RPS6KA1: variants seen among roughly 807,000 people sequenced by gnomAD.
RPS6KA1 encodes ribosomal protein S6 kinase alpha-1.
A neutral mutation model predicts 91.3 loss-of-function variants in RPS6KA1; 48 were observed. The ratio of observed to expected loss-of-function variants is 0.53; its 90% confidence interval spans 0.42 to 0.67. The LOEUF is 0.67. RPS6KA1 is among the 30% of genes least tolerant of loss of function. The pLI, the probability that RPS6KA1 is intolerant of heterozygous loss-of-function variation, is 0.00. For synonymous variants in RPS6KA1, 359 were observed against 384.7 expected, an observed-to-expected ratio of 0.93 and a Z score of 0.78; for missense variants, 719 against 960.5, an observed-to-expected ratio of 0.75 and a Z score of 3.32.
At chr1:26,539,580 T>C (rs2075931321) in intron 2 of RPS6KA1, among the ~76,000 whole-genome samples, 1 of 152,256 alleles carries the variant, frequency 6.6e-6, no homozygotes, top group African/African-American at 2.4e-5. Context: ...GAAAAGAGAA[T>C]GTGGTACATA....
chr1:26,562,234 A>T (rs1235212528), intron 17 of RPS6KA1, among the ~76,000 whole-genome samples: 7 of 152,212 alleles, frequency 4.6e-5, no homozygotes, highest in Admixed American at 4.6e-4. Flanking sequence ...GATTTACATT[A>T]TCTCAATTGA....
intron 21 of RPS6KA1, 101 bp downstream of exon 21, chr1:26,573,462 C>A: frequency 7.3e-7 from 1 of 1,363,104 alleles, no homozygotes; most frequent in Non-Finnish European, 1.0e-6. Context: ...CTGTACCAAG[C>A]ACCATGAGGT....
Position 26,529,828 on chromosome 1 carries a change from G to C in RPS6KA1, c.-93G>C. The C allele has an allele frequency of 3.1e-6, 3 of 970,930 alleles. No individual in the cohort carries two copies. The highest frequency in any genetic ancestry group is 4.0e-6 in the Non-Finnish European group (3 of 755,064). 60.1% of individuals were successfully genotyped at this position (970,930 alleles called of 1,614,324 possible). The stretch of plus-strand genomic sequence containing the variant: ...GAGCGCGAGGGGCTCGGGGGGGCGC[G>C]GCGGTTCGGGTCGCAGAGCCAGGGA... On this transcript the variant is annotated 5_prime_UTR_variant, in exon 1 of 22. Coordinates refer to ENST00000374168, the MANE Select transcript of RPS6KA1 (RefSeq NM_002953.4). The surrounding 1 kb of genome is among the most constrained non-coding windows in gnomAD (Gnocchi z 4.2).
chr1:26,546,666 C>T (rs1013107526), intron 2 of RPS6KA1, among the ~76,000 whole-genome samples: 2 of 152,228 alleles, frequency 1.3e-5, no homozygotes, highest in African/African-American at 4.8e-5. Context: ...GCAATAGGAG[C>T]GGTGCCTGTT....
Position 26,547,095 on chromosome 1 carries a change from CA to C in RPS6KA1, c.226-89del. On this transcript the variant is annotated intron_variant, in intron 3 of 21. Coordinates refer to ENST00000374168, the MANE Select transcript of RPS6KA1 (RefSeq NM_002953.4). The surrounding 1 kb of genome is among the most constrained non-coding windows in gnomAD (Gnocchi z 4.1). ...AGGTCACCTTGGTACCCAGGGAGAG[CA>C]AAAAGGTCAGCTTGGGGCTCAGAGA... The C allele has an allele frequency of 6.5e-7, 1 of 1,543,448 alleles. No homozygotes were observed. Among genetic ancestry groups the C allele is most frequent in the Non-Finnish European group, 8.9e-7 (1 of 1,117,438 alleles).
intron 2 of RPS6KA1, among the ~76,000 whole-genome samples, chr1:26,542,670 C>T (rs1053279485): frequency 4.6e-5 from 7 of 152,114 alleles, no homozygotes; most frequent in Admixed American, 3.3e-4. Context: ...AGGGCAGGAC[C>T]GGAGGGGGGC....
intron 14 of RPS6KA1, among the ~76,000 whole-genome samples, chr1:26,559,533 A>ATTTTTTT (rs1427275066): frequency 7.3e-6 from 1 of 137,352 alleles, no homozygotes. Context: ...CACCCAGCTA[A>ATTTTTTT]TTTTTTTTTT....
At position 26,554,211 on chromosome 1, in the gene RPS6KA1, C is replaced by T. The variant is rs1481887800; in HGVS notation, c.576-3C>T. On this transcript the variant is annotated splice_region_variant and splice_polypyrimidine_tract_variant and intron_variant, in intron 7 of 21. Transcript: ENST00000374168. This position sits in a 1 kb window ranked among gnomAD's most constrained non-coding sequence, Gnocchi z 4.6. ...GGCCCTGACCACTATTTCTCTATTA[C>T]AGCATCCTTCTGGATGAGGAGGGCC... is the stretch of plus-strand genomic sequence containing the variant. The T allele has an allele frequency of 7.7e-6, 12 of 1,554,256 alleles. No homozygotes were observed. Among genetic ancestry groups the T allele is most frequent in the Non-Finnish European group, 9.6e-6 (11 of 1,148,360 alleles).
Position 26,571,166 on chromosome 1 carries a change from A to T in RPS6KA1, c.1591-283A>T, listed in dbSNP as rs1211406677. ...GATTTTGACCTAAGTAACAGGAAGG[A>T]TGGAGTTGCCACAAGGTAAGATTAT... On this transcript the variant is annotated intron_variant, in intron 17 of 21. Transcript: ENST00000374168. This position sits in a 1 kb window ranked among gnomAD's most constrained non-coding sequence, Gnocchi z 5.1. 5.4e-6 allele frequency: 2 copies of T among 372,798 alleles called. No homozygotes were observed. Among genetic ancestry groups the T allele is most frequent in the Admixed American group, 8.5e-5 (2 of 23,580 alleles). The allele number at this position is 372,798 out of a possible 1,614,324, so 23.1% of individuals were successfully genotyped here.
chr1:26,573,349 A>G lies in RPS6KA1; in HGVS notation c.2073A>G (p.Leu691=). 1 of 1,614,208 alleles carries G rather than the reference A, an allele frequency of 6.2e-7. No homozygotes were observed. The highest frequency in any genetic ancestry group is 8.5e-7 in the Non-Finnish European group (1 of 1,180,008). The change falls in exon 21 of 22, where the codon CTA becomes CTG. Residue 691 remains leucine, a synonymous_variant. Coordinates refer to ENST00000374168, the MANE Select transcript of RPS6KA1 (RefSeq NM_002953.4). ...LPQSQLSHQD[L]QLVKGAMAAT... ...AAAGCCAGCTGTCCCACCAGGACCT[A>G]CAGCTTGTGAAGGTATGGCCACCCT...
intron 1 of RPS6KA1, among the ~76,000 whole-genome samples, chr1:26,532,726 G>A (rs959559169): frequency 2.0e-5 from 3 of 152,178 alleles, no homozygotes; most frequent in Admixed American, 6.5e-5. Flanking sequence ...TTCTCCAGAC[G>A]CTGCCCTGGG....
At chr1:26,536,593 G>A (rs1283649194) in intron 1 of RPS6KA1, among the ~76,000 whole-genome samples, 2 of 152,218 alleles carry the variant, frequency 1.3e-5, no homozygotes, top group Non-Finnish European at 2.9e-5. Flanking sequence ...AGAGCTGGAA[G>A]CCACACATGA....
chr1:26,544,556 C>G lies in RPS6KA1; in HGVS notation c.109-2311C>G, dbSNP rs376705282. Among the ~76,000 whole-genome samples the G allele has an allele frequency of 1.2e-3, 182 of 151,702 alleles. 1 individual carries two copies. Among genetic ancestry groups the G allele is most frequent in the African/African-American group, 4.2e-3 (174 of 41,338 alleles). On this transcript the variant is annotated intron_variant, in intron 2 of 21. Coordinates refer to ENST00000374168, the MANE Select transcript of RPS6KA1 (RefSeq NM_002953.4). The stretch of plus-strand genomic sequence containing the variant: ...GTGGTGCGATCTTGGCTCACTGCAG[C>G]CTCCCCCTCCCAGGTTCAAGCCATT...
At chr1:26,557,192 C>CAAAGTCAGTCCCACGGAGCCAGAA in intron 13 of RPS6KA1, 92 bp downstream of exon 13, 1 of 974,424 alleles carries the variant, frequency 1.0e-6, no homozygotes, top group Non-Finnish European at 1.6e-6. Context: ...TAGTCAGGGA[C>CAAAGTCAGTCCCACGGAGCCAGAA]ACTGACAGGC....
chr1:26,546,806 G>A, intron 2 of RPS6KA1, 61 bp from the exon 3 acceptor site: 5 of 1,344,196 alleles, frequency 3.7e-6, no homozygotes, highest in Non-Finnish European at 4.3e-6. Context: ...GACTTGGGCA[G>A]GGGAGCCTCC....
chr1:26,536,771 A>AGTGGAG (rs1303102401), intron 1 of RPS6KA1, among the ~76,000 whole-genome samples, 154 bp from the exon 2 acceptor site: 4 of 152,212 alleles, frequency 2.6e-5, no homozygotes, highest in Non-Finnish European at 5.9e-5. Flanking sequence ...ACACCATGAA[A>AGTGGAG]GTGGAGGTGG....
chr1:26,545,597 G>T (rs1276236941), intron 2 of RPS6KA1, among the ~76,000 whole-genome samples: 2 of 152,188 alleles, frequency 1.3e-5, no homozygotes, highest in Non-Finnish European at 2.9e-5. Context: ...CCTCTCTGCT[G>T]TTGGGTACCA....
Position 26,574,232 on chromosome 1 carries a change from G to A in RPS6KA1, c.*31G>A. 6.2e-7 allele frequency: 1 copy of A among 1,613,530 alleles called. No individual in the cohort carries two copies. Among genetic ancestry groups the A allele is most frequent in the Admixed American group, 1.7e-5 (1 of 60,018 alleles). ...CAGGGCATTCGGGCCACAGGGCGGT[G>A]CTAGCTTGACACAGTCAGCATGCTT... On this transcript the variant is annotated 3_prime_UTR_variant, in exon 22 of 22. Transcript: ENST00000374168. The surrounding 1 kb of genome is among the most constrained non-coding windows in gnomAD (Gnocchi z 4.3).
chr1:26,561,781 A>G lies in RPS6KA1; in HGVS notation c.1590+118A>G, dbSNP rs2124654989. ...CTCCAGCTAGCCAAACTGAGGGGAC[A>G]CTAGGGCTGGGTGGGTGGATGCGTG... On this transcript the variant is annotated intron_variant, in intron 17 of 21. Transcript: ENST00000374168. This position sits in a 1 kb window ranked among gnomAD's most constrained non-coding sequence, Gnocchi z 5.7. 3.8e-6 allele frequency: 4 copies of G among 1,041,880 alleles called. No individual in the cohort carries two copies. Among genetic ancestry groups the G allele is most frequent in the East Asian group, 2.4e-5 (1 of 41,060 alleles). 64.5% of individuals were successfully genotyped at this position (1,041,880 alleles called of 1,614,324 possible). A position where few individuals can be genotyped will look rare whatever the true frequency, so the allele number is the denominator to read the frequency against.
Sources: gnomAD v4.1 joint callset for allele counts (sites outside exome capture counted in the v4.1 genomes callset) on GRCh38, gnomAD v4.1.1 for gene constraint, Gnocchi (gnomAD v3.1) non-coding constraint, MANE v1.5 for transcripts, NCBI Gene and HGNC (gene_info 2026-07-23, HGNC 2026-07-21) for gene names.